The following DIABLO variants were observed in gnomAD, a reference collection of about 807,000 sequenced individuals.
DIABLO encodes the protein diablo homolog, mitochondrial.
DIABLO carries 32 observed loss-of-function variants against 31.7 expected under a neutral mutation model. The ratio of observed to expected loss-of-function variants is 1.01; its 90% CI spans 0.76 to 1.35. DIABLO has a LOEUF of 1.35. DIABLO is among the 40% of genes most tolerant of loss of function. DIABLO has a pLI of 0.00. For missense variants in DIABLO, 316 were observed against 286.4 expected, an observed-to-expected ratio of 1.10 and a Z score of -0.75; for synonymous variants, 132 against 103.2, an observed-to-expected ratio of 1.28 and a Z score of -1.69.
At chr12:122,222,969 A>G (rs1954367735) in intron 2 of DIABLO, among the ~76,000 whole-genome samples, 1 of 151,802 alleles carries the variant, frequency 6.6e-6, no homozygotes, top group Non-Finnish European at 1.5e-5. Context: ...CAACCAATCC[A>G]TCAGCAACTC....
At chr12:122,221,708 G>A (rs995353530) in intron 2 of DIABLO, 11 of 152,106 alleles carry the variant, frequency 7.2e-5, no homozygotes, top group Admixed American at 2.6e-4. Context: ...GACCACTGAG[G>A]GGTTTTGAAG....
chr12:122,223,940 A>G (rs1241943547), intron 2 of DIABLO, among the ~76,000 whole-genome samples: 1 of 152,168 alleles, frequency 6.6e-6, no homozygotes, highest in East Asian at 1.9e-4. Context: ...AGTTGCCACT[A>G]GAAGTGTGAG....
chr12:122,226,028 G>A lies in DIABLO; in HGVS notation c.-14C>T, dbSNP rs772013340. 8 of 1,600,344 alleles carry A rather than the reference G, an allele frequency of 5.0e-6. No homozygotes were observed. Among genetic ancestry groups the A allele is most frequent in the Admixed American group, 1.7e-5 (1 of 58,628 alleles). On this transcript the variant is annotated 5_prime_UTR_variant, in exon 1 of 6. Transcript: ENST00000464942. ...CAGAGCCGCCATTGTGCAGCGCGCG[G>A]ACGCCAGACGCACACGCCGGAAGTG...
chr12:122,224,202 TCA>T (rs1403460983), intron 2 of DIABLO, among the ~76,000 whole-genome samples: 2 of 152,220 alleles, frequency 1.3e-5, no homozygotes, highest in Non-Finnish European at 2.9e-5. Context: ...TCTTACATTC[TCA>T]GTGTCTTGCA....
chr12:122,209,824 G>A lies in DIABLO; in HGVS notation c.524-1247C>T, dbSNP rs1266077239. The A allele has an allele frequency of 4.3e-6, 3 of 703,262 alleles. No homozygotes were observed. The Admixed American group carries it at 6.0e-5, about 14-fold the overall frequency. The allele number at this position is 703,262 out of a possible 1,614,324, so 43.6% of individuals were successfully genotyped here. ...TGTTGACAGGTAGTGGAGAATGGCA[G>A]GCATCCTCCTCTTCTAACTTCGATG... On this transcript the variant is annotated intron_variant, in intron 5 of 5. Coordinates refer to ENST00000464942, the MANE Select transcript of DIABLO (RefSeq NM_001371333.1).
Position 122,207,708 on chromosome 12 carries a change from T to C in DIABLO, c.*673A>G. The C allele has an allele frequency of 1.8e-6, 1 of 552,962 alleles. No individual in the cohort carries two copies. The highest frequency in any genetic ancestry group is 3.4e-6 in the Non-Finnish European group (1 of 291,470). The allele number at this position is 552,962 out of a possible 1,614,324, so 34.3% of individuals were successfully genotyped here. On this transcript the variant is annotated 3_prime_UTR_variant, in exon 6 of 6. Transcript: ENST00000464942. Reference sequence around the variant, plus strand: ...TTTTCTCTTTCAGATGCAAACAAAATCTTACACTCTTCTCCTTTGGATACA... The same window carrying C: ...TTTTCTCTTTCAGATGCAAACAAAACCTTACACTCTTCTCCTTTGGATACA...
intron 2 of DIABLO, chr12:122,220,470 C>A (rs528304421): frequency 6.6e-6 from 1 of 152,114 alleles, no homozygotes; most frequent in African/African-American, 2.4e-5. Context: ...GCCTGGCCAA[C>A]ATGGTGAAAC....
At chr12:122,210,617 G>T (rs1326241839) in intron 5 of DIABLO, among the ~76,000 whole-genome samples, 1 of 149,956 alleles carries the variant, frequency 6.7e-6, no homozygotes, top group African/African-American at 2.5e-5. Flanking sequence ...CTGACCTCGT[G>T]ATCCACCCGC....
At position 122,216,471 on chromosome 12, in the gene DIABLO, A is replaced by C; in HGVS notation, c.523+17T>G. On this transcript the variant is annotated intron_variant, in intron 5 of 5. Transcript: ENST00000464942. ...TAAAAAATTAAAAAAAAAACCCAACACAAAACTTGAACCTACCAGTTTGAT... is the reference window on the plus strand; with the variant it reads ...TAAAAAATTAAAAAAAAAACCCAACCCAAAACTTGAACCTACCAGTTTGAT... The C allele has an allele frequency of 6.2e-7, 1 of 1,607,306 alleles. No homozygotes were observed. The highest frequency in any genetic ancestry group is 1.1e-5 in the South Asian group (1 of 89,488).
At chr12:122,213,041 C>T (rs1055169929) in intron 5 of DIABLO, among the ~76,000 whole-genome samples, 1 of 152,112 alleles carries the variant, frequency 6.6e-6, no homozygotes, top group African/African-American at 2.4e-5. Flanking sequence ...TCACCTCAGC[C>T]TCCCAAGAAG....
chr12:122,216,810 A>G lies in DIABLO; in HGVS notation c.375T>C (p.Asn125=). Residue 125 remains asparagine, a synonymous_variant, in exon 4 of 6, where the codon AAT becomes AAC. Transcript: ENST00000464942. ...GCCACACTTCATCTTCCTCCTCTGAATTCATTTTCCCAAGTAAACTTGTAT... is the reference window on the plus strand; with the variant it reads ...GCCACACTTCATCTTCCTCCTCTGAGTTCATTTTCCCAAGTAAACTTGTAT... The part of the protein sequence containing the change: ...RQYTSLLGKM[N]SEEEDEVWQV... 2 of 1,614,178 alleles carry G rather than the reference A, an allele frequency of 1.2e-6. No homozygotes were observed. Among genetic ancestry groups the G allele is most frequent in the Non-Finnish European group, 1.7e-6 (2 of 1,180,032 alleles).
intron 5 of DIABLO, chr12:122,209,893 C>T (rs1289113471): frequency 3.0e-6 from 2 of 675,962 alleles, no homozygotes; most frequent in Non-Finnish European, 5.4e-6. Flanking sequence ...GATTACTTAA[C>T]CTTTATTACA....
At chr12:122,220,809 A>G (rs1246273473) in intron 2 of DIABLO, 1 of 152,248 alleles carries the variant, frequency 6.6e-6, no homozygotes, top group African/African-American at 2.4e-5. Flanking sequence ...AGAACTTTAT[A>G]TTTCAAATAA....
Position 122,216,580 on chromosome 12 carries a change from G to A in DIABLO, c.431C>T (p.Thr144Ile). ...CTTCAAGTACTCTTGGTGTTTTGAA[G>A]TCATCTATATAAATCAAGCAAAGTG... The part of the protein sequence containing the change: ...QVIIGARAEM[T>I]SKHQEYLKLE... Residue 144 changes from threonine to isoleucine, a missense_variant, in exon 5 of 6, where the codon ACT (threonine) becomes ATT (isoleucine). Thr to Ile is a moderately conservative substitution (Grantham distance 89, BLOSUM62 -1). Coordinates refer to ENST00000464942, the MANE Select transcript of DIABLO (RefSeq NM_001371333.1). The A allele has an allele frequency of 6.2e-7, 1 of 1,614,138 alleles. No individual in the cohort carries two copies. The highest frequency in any genetic ancestry group is 8.5e-7 in the Non-Finnish European group (1 of 1,180,008).
chr12:122,216,938 C>T lies in DIABLO; in HGVS notation c.316-69G>A, dbSNP rs187725373. Reference sequence around the variant, plus strand: ...ATATCAGAAGGAATAGAGAGATTTCCACCTCAAGGAAATTAAGTCCCATTA... The same window carrying T: ...ATATCAGAAGGAATAGAGAGATTTCTACCTCAAGGAAATTAAGTCCCATTA... On this transcript the variant is annotated intron_variant, in intron 3 of 5. Transcript: ENST00000464942. The T allele has an allele frequency of 3.9e-3, 5,277 of 1,364,582 alleles. 32 individuals carry two copies. The highest frequency in any genetic ancestry group is 4.5e-3 in the Middle Eastern group (25 of 5,594). 84.5% of individuals were successfully genotyped at this position (1,364,582 alleles called of 1,614,324 possible). A position where few individuals can be genotyped will look rare whatever the true frequency, so the allele number is the denominator to read the frequency against.
At chr12:122,225,419 T>C (rs891225564) in intron 1 of DIABLO, 9 of 997,422 alleles carry the variant, frequency 9.0e-6, no homozygotes, top group Non-Finnish European at 1.1e-5. Flanking sequence ...ATGTTGCCTT[T>C]AAACTTTTTA....
chr12:122,213,701 C>G (rs537385680), intron 5 of DIABLO, among the ~76,000 whole-genome samples: 2 of 152,094 alleles, frequency 1.3e-5, no homozygotes, highest in Non-Finnish European at 2.9e-5. Context: ...GTTTGTGTGG[C>G]ACAACTATAA....
At chr12:122,216,432 G>A (rs1164909042) in intron 5 of DIABLO, 56 bp downstream of exon 5, 10 of 1,435,840 alleles carry the variant, frequency 7.0e-6, no homozygotes, top group African/African-American at 1.4e-5. Flanking sequence ...AAACTCAAAT[G>A]GTACCTTCCT....
rs756778264 is a variant in DIABLO, at chr12:122,225,779, G to A, written c.50+186C>T. On this transcript the variant is annotated intron_variant, in intron 1 of 5. Coordinates refer to ENST00000464942, the MANE Select transcript of DIABLO (RefSeq NM_001371333.1). ...GATGGACGAACTGAAAAGGAAGCCG[G>A]GCTTGACCCAGGGGGCGGAGGCGGG... The A allele has an allele frequency of 1.7e-4, 249 of 1,449,754 alleles. 1 individual carries two copies. Among genetic ancestry groups the A allele is most frequent in the Non-Finnish European group, 3.9e-5 (43 of 1,105,038 alleles). The allele number at this position is 1,449,754 out of a possible 1,614,324, so 89.8% of individuals were successfully genotyped here.
Sources: gnomAD v4.1 joint callset for allele counts (sites outside exome capture counted in the v4.1 genomes callset) on GRCh38, gnomAD v4.1.1 for gene constraint, MANE v1.5 for transcripts, NCBI Gene and HGNC (gene_info 2026-07-23, HGNC 2026-07-21) for gene names.